PCDH15: variants seen among roughly 807,000 people sequenced by gnomAD.
The protein encoded by PCDH15 is protocadherin-15.
PCDH15 carries 129 observed loss-of-function variants against 178.5 expected under a neutral mutation model. The observed-to-expected ratio is 0.72, with a 90% CI of 0.63 to 0.84. The LOEUF (loss-of-function observed/expected upper bound fraction) is 0.84, where lower values mean the gene tolerates loss of function less well. PCDH15 is among the 40% of genes least tolerant of loss of function. PCDH15 has a pLI of 0.00. For synonymous variants in PCDH15, 800 were observed against 732.0 expected (o/e 1.09, Z -1.50); for missense variants, 2,230 against 2,099.9 (o/e 1.06, Z -1.21).
intron 1 of PCDH15, among the ~76,000 whole-genome samples, chr10:55,177,459 C>T (rs1839524940): frequency 6.6e-6 from 1 of 152,162 alleles, no homozygotes; most frequent in Non-Finnish European, 1.5e-5. Flanking sequence ...AGATCCAGTC[C>T]AGCAGCCTGT....
intron 1 of PCDH15, among the ~76,000 whole-genome samples, chr10:55,276,568 A>C (rs1401701524): frequency 1.3e-5 from 2 of 151,702 alleles, no homozygotes; most frequent in Non-Finnish European, 2.9e-5. Flanking sequence ...ATTAAAACCA[A>C]CAAGTATACC....
rs901695540 is a variant in PCDH15, at chr10:55,534,256, A to C, written c.-156+93369T>G. ...CCTAATTAAAGTGTTTTCTCCGAGCAAAAGAAACTATCATAGAGTAAACAG... is the reference window on the plus strand; with the variant it reads ...CCTAATTAAAGTGTTTTCTCCGAGCCAAAGAAACTATCATAGAGTAAACAG... On this transcript the variant is annotated intron_variant, in intron 2 of 5. Transcript: ENST00000613346. Among the ~76,000 whole-genome samples the C allele has an allele frequency of 4.6e-5, 7 of 152,214 alleles. No individual in the cohort carries two copies. The South Asian group carries it at 1.0e-3, about 23-fold the overall frequency.
At chr10:54,527,912 C>T in intron 2 of PCDH15, 35 bp from the exon 3 acceptor site, 1 of 1,537,426 alleles carries the variant, frequency 6.5e-7, no homozygotes, top group Admixed American at 1.7e-5. Context: ...TAATAATTGA[C>T]TGCAGGGGCA....
intron 2 of PCDH15, among the ~76,000 whole-genome samples, chr10:55,013,410 C>A (rs1840093807): frequency 6.6e-6 from 1 of 152,310 alleles, no homozygotes; most frequent in African/African-American, 2.4e-5. Flanking sequence ...CACCTGGTTA[C>A]CACACCAGGC....
chr10:55,428,520 T>G (rs1838809832), intron 2 of PCDH15, among the ~76,000 whole-genome samples: 1 of 151,890 alleles, frequency 6.6e-6, no homozygotes, highest in African/African-American at 2.4e-5. Context: ...TACTGCATTA[T>G]AGATACATAC....
chr10:55,474,283 C>T (rs1043275032), intron 2 of PCDH15, among the ~76,000 whole-genome samples: 7 of 152,266 alleles, frequency 4.6e-5, no homozygotes, highest in Middle Eastern at 3.4e-3. Context: ...GTACATTACA[C>T]TGAATGGAAG....
At chr10:54,868,235 C>G (rs189660898) in intron 3 of PCDH15, among the ~76,000 whole-genome samples, 1 of 152,154 alleles carries the variant, frequency 6.6e-6, no homozygotes, top group East Asian at 1.9e-4. Context: ...CTCATGTATC[C>G]CAAATTATAG....
intron 3 of PCDH15, among the ~76,000 whole-genome samples, chr10:54,513,964 G>A (rs1372990475): frequency 6.6e-6 from 1 of 152,190 alleles, no homozygotes; most frequent in Non-Finnish European, 1.5e-5. Flanking sequence ...CCACAGGCTT[G>A]CATGTTTACC....
chr10:53,847,240 C>T (rs1202450276), intron 28 of PCDH15, among the ~76,000 whole-genome samples: 1 of 151,990 alleles, frequency 6.6e-6, no homozygotes, highest in African/African-American at 2.4e-5. Context: ...TACAAGAACT[C>T]TTCAGATTTC....
intron 2 of PCDH15, among the ~76,000 whole-genome samples, chr10:54,997,258 C>T (rs1172216393): frequency 1.3e-5 from 2 of 151,990 alleles, no homozygotes; most frequent in East Asian, 1.9e-4. Flanking sequence ...TATCTGATGG[C>T]GAGAGTTTCA....
chr10:55,594,034 T>G (rs1271968937), intron 2 of PCDH15, among the ~76,000 whole-genome samples: 1 of 151,910 alleles, frequency 6.6e-6, no homozygotes, highest in Middle Eastern at 3.2e-3. Context: ...AACTGAAAAG[T>G]GTATTTTAAG....
intron 15 of PCDH15, among the ~76,000 whole-genome samples, chr10:54,129,343 C>A (rs925893337): frequency 3.3e-5 from 5 of 152,086 alleles, no homozygotes; most frequent in African/African-American, 1.2e-4. Flanking sequence ...TTGTTGAACA[C>A]TGATTTATCA....
intron 1 of PCDH15, among the ~76,000 whole-genome samples, chr10:54,695,056 T>C (rs1173163668): frequency 6.6e-6 from 1 of 150,672 alleles, no homozygotes; most frequent in Non-Finnish European, 1.5e-5. Context: ...CCAGGGCCTG[T>C]TGTGGGGTAG....
At chr10:54,329,480 G>A (rs1411142312) in intron 7 of PCDH15, 116 bp downstream of exon 7, 1 of 745,356 alleles carries the variant, frequency 1.3e-6, no homozygotes, top group African/African-American at 1.7e-5. Context: ...AAGGGCAGGA[G>A]TGCCCTGATG....
chr10:53,852,017 C>T (rs1267826606), intron 28 of PCDH15, among the ~76,000 whole-genome samples: 1 of 151,798 alleles, frequency 6.6e-6, no homozygotes, highest in Non-Finnish European at 1.5e-5. Flanking sequence ...AGTTCCGATT[C>T]ATACAAAAAT....
At chr10:54,524,350 G>A (rs2083175677) in intron 3 of PCDH15, among the ~76,000 whole-genome samples, 1 of 152,190 alleles carries the variant, frequency 6.6e-6, no homozygotes, top group Non-Finnish European at 1.5e-5. Flanking sequence ...TACAGTCACA[G>A]TGGTGTGTTC....
At chr10:54,181,570 TC>T in intron 13 of PCDH15, among the ~76,000 whole-genome samples, 1 of 152,242 alleles carries the variant, frequency 6.6e-6, no homozygotes, top group East Asian at 1.9e-4. Context: ...GTCCCCAGTG[TC>T]TTTTGTTGCC....
At chr10:55,061,171 ATAAAG>A (rs1179150650) in intron 2 of PCDH15, among the ~76,000 whole-genome samples, 1 of 152,176 alleles carries the variant, frequency 6.6e-6, no homozygotes, top group Non-Finnish European at 1.5e-5. Context: ...GACACATCTA[ATAAAG>A]TAATGTTAGG....
intron 20 of PCDH15, among the ~76,000 whole-genome samples, chr10:54,011,270 G>T (rs1348062722): frequency 1.3e-5 from 2 of 152,150 alleles, no homozygotes; most frequent in Admixed American, 1.3e-4. Flanking sequence ...GAGTGCTTTA[G>T]CCACACCTCC....
Sources: allele counts gnomAD v4.1 joint callset (sites outside exome capture counted in the v4.1 genomes callset), GRCh38; gene constraint gnomAD v4.1.1; transcripts MANE v1.5; gene names NCBI Gene and HGNC (gene_info 2026-07-23, HGNC 2026-07-21).